The following KCNQ3 variants were observed in gnomAD, a reference collection of about 807,000 sequenced individuals.
KCNQ3 encodes potassium voltage-gated channel subfamily Q member 3, also known as potassium voltage-gated channel subfamily KQT member 3.
In KCNQ3, 30 loss-of-function variants were observed where a neutral mutation model predicts 92.5. The observed-to-expected ratio is 0.32, with a 90% CI of 0.24 to 0.44. The LOEUF is 0.44. Among genes scored for constraint, KCNQ3 ranks in the 20% least tolerant of loss-of-function variants. The pLI is 1.00. For missense variants in KCNQ3, 913 were observed against 1,140.3 expected (o/e 0.80, Z 2.87); for synonymous variants, 450 against 468.8 (o/e 0.96, Z 0.52).
At chr8:132,303,298 T>C (rs1344040177) in intron 1 of KCNQ3, among the ~76,000 whole-genome samples, 1 of 151,968 alleles carries the variant, frequency 6.6e-6, no homozygotes, top group African/African-American at 2.4e-5. Context: ...TCTCCCACAG[T>C]GACTCAGTTC....
At chr8:132,301,117 C>T (rs1313157604) in intron 1 of KCNQ3, among the ~76,000 whole-genome samples, 1 of 152,150 alleles carries the variant, frequency 6.6e-6, no homozygotes, top group Non-Finnish European at 1.5e-5. Context: ...TCTTCCCTTG[C>T]CTTAGGCCTT....
intron 9 of KCNQ3, among the ~76,000 whole-genome samples, chr8:132,159,229 A>AACTT (rs201308155): frequency 6.6e-6 from 1 of 152,198 alleles, no homozygotes; most frequent in East Asian, 1.9e-4. Context: ...GGAATTTGAA[A>AACTT]ACTTACAGGT....
intron 9 of KCNQ3, among the ~76,000 whole-genome samples, chr8:132,148,322 G>A (rs1392148998): frequency 6.6e-6 from 1 of 152,022 alleles, no homozygotes. Flanking sequence ...TGCAACCTCC[G>A]CCTCCTAGGT....
chr8:132,260,945 T>A (rs541854627), intron 1 of KCNQ3, among the ~76,000 whole-genome samples: 1 of 152,316 alleles, frequency 6.6e-6, no homozygotes, highest in South Asian at 2.1e-4. Flanking sequence ...GAGATATAAT[T>A]CATATAAAAT....
intron 9 of KCNQ3, among the ~76,000 whole-genome samples, chr8:132,151,377 A>G (rs1422877734): frequency 6.6e-6 from 1 of 152,250 alleles, no homozygotes; most frequent in Admixed American, 6.5e-5. Flanking sequence ...TAAAAATATA[A>G]ATTCTTGCCT....
intron 1 of KCNQ3, among the ~76,000 whole-genome samples, chr8:132,420,826 G>T (rs948559975): frequency 1.3e-5 from 2 of 152,162 alleles, no homozygotes; most frequent in Non-Finnish European, 2.9e-5. Flanking sequence ...TCTAGATGCT[G>T]GGAAGCACTG....
intron 1 of KCNQ3, among the ~76,000 whole-genome samples, chr8:132,224,743 T>G (rs547285297): frequency 7.6e-6 from 1 of 131,272 alleles, no homozygotes; most frequent in African/African-American, 2.7e-5. Context: ...TCAAATACCT[T>G]GATTTTGATA....
At chr8:132,324,936 G>A (rs1015837574) in intron 1 of KCNQ3, among the ~76,000 whole-genome samples, 5 of 151,308 alleles carry the variant, frequency 3.3e-5, no homozygotes, top group South Asian at 2.1e-4. Context: ...TTAGAGGCTC[G>A]CCAGCCTGAA....
rs77800409 is a variant in KCNQ3, at chr8:132,165,787, C to T, written c.1236-2293G>A. Among the ~76,000 whole-genome samples the T allele has an allele frequency of 1.8e-4, 28 of 152,258 alleles. 1 individual carries two copies. The East Asian group carries it at 2.1e-3, about 12-fold the overall frequency. ...TTTGTTCCATCACTTATCAGCTGAGCGATATTAAGCAAGCTAATTAATCTC... is the reference window on the plus strand; with the variant it reads ...TTTGTTCCATCACTTATCAGCTGAGTGATATTAAGCAAGCTAATTAATCTC... On this transcript the variant is annotated intron_variant, in intron 8 of 14. Coordinates refer to ENST00000388996, the MANE Select transcript of KCNQ3 (RefSeq NM_004519.4).
chr8:132,260,698 C>G (rs535092828), intron 1 of KCNQ3, among the ~76,000 whole-genome samples: 2 of 152,192 alleles, frequency 1.3e-5, no homozygotes, highest in African/African-American at 4.8e-5. Flanking sequence ...ATTAAGTGTT[C>G]TCTGCTTGGA....
Position 132,271,986 on chromosome 8 carries a change from C to G in KCNQ3, c.387-85805G>C, listed in dbSNP as rs569052011. 5.9e-5 allele frequency among the ~76,000 whole-genome samples: 9 copies of G among 152,274 alleles called. No homozygotes were observed. The East Asian group carries it at 1.7e-3, about 29-fold the overall frequency. On this transcript the variant is annotated intron_variant, in intron 1 of 14. Coordinates refer to ENST00000388996, the MANE Select transcript of KCNQ3 (RefSeq NM_004519.4). Reference sequence around the variant, plus strand: ...AAAGAAACTGACCTGACAGAGGGCTCAGTTCCTGGCCTGAATGGAAGCAGA... The same window carrying G: ...AAAGAAACTGACCTGACAGAGGGCTGAGTTCCTGGCCTGAATGGAAGCAGA...
chr8:132,255,018 A>C (rs1385083704), intron 1 of KCNQ3, among the ~76,000 whole-genome samples: 1 of 151,976 alleles, frequency 6.6e-6, no homozygotes, highest in Non-Finnish European at 1.5e-5. Flanking sequence ...GAACAAGCTG[A>C]CTGTTTTTTT....
At chr8:132,180,687 C>A (rs1432370751) in intron 3 of KCNQ3, among the ~76,000 whole-genome samples, 1 of 152,050 alleles carries the variant, frequency 6.6e-6, no homozygotes, top group Non-Finnish European at 1.5e-5. Context: ...AGCTGCTCAG[C>A]CTATGGAGGT....
At chr8:132,287,142 C>A (rs1816700665) in intron 1 of KCNQ3, among the ~76,000 whole-genome samples, 1 of 152,214 alleles carries the variant, frequency 6.6e-6, no homozygotes, top group Non-Finnish European at 1.5e-5. Context: ...TCTTTCTCCT[C>A]TAACTTTGTA....
At position 132,174,222 on chromosome 8, in the gene KCNQ3, A is replaced by C; in HGVS notation, c.1044+17T>G. On this transcript the variant is annotated intron_variant, in intron 6 of 14. Transcript: ENST00000388996. ...CTGCACGTCACATTGGGGATGTCATATATCAAAGGTACTTACCGCTGGAAG... is the reference window on the plus strand; with the variant it reads ...CTGCACGTCACATTGGGGATGTCATCTATCAAAGGTACTTACCGCTGGAAG... 6.5e-7 allele frequency: 1 copy of C among 1,531,002 alleles called. No individual in the cohort carries two copies. The highest frequency in any genetic ancestry group is 8.9e-7 in the Non-Finnish European group (1 of 1,129,238). 94.8% of individuals were successfully genotyped at this position (1,531,002 alleles called of 1,614,324 possible). A position where few individuals can be genotyped will look rare whatever the true frequency, so the allele number is the denominator to read the frequency against.
chr8:132,406,578 G>A (rs115176911), intron 1 of KCNQ3, among the ~76,000 whole-genome samples: 3,222 of 151,282 alleles, frequency 0.021, 122 homozygotes, highest in African/African-American at 0.073. Flanking sequence ...CACACACACA[G>A]AAAGACACAG....
Position 132,126,953 on chromosome 8 carries a change from C to T in KCNQ3, c.*2309G>A, listed in dbSNP as rs956908417. The T allele has an allele frequency of 3.0e-4, 45 of 152,140 alleles. No homozygotes were observed. Among genetic ancestry groups the T allele is most frequent in the Non-Finnish European group, 7.4e-5 (5 of 68,024 alleles). 9.4% of individuals were successfully genotyped at this position (152,140 alleles called of 1,614,324 possible). ...TGGCGCATATGTGGAGAGTATGACT[C>T]ACTCTCCTTTATTGTTGGTTTCCAG... On this transcript the variant is annotated 3_prime_UTR_variant, in exon 15 of 15. Coordinates refer to ENST00000388996, the MANE Select transcript of KCNQ3 (RefSeq NM_004519.4).
chr8:132,304,652 T>TAGGACCATATTGGAC (rs1817359847), intron 1 of KCNQ3, among the ~76,000 whole-genome samples: 1 of 152,176 alleles, frequency 6.6e-6, no homozygotes, highest in Non-Finnish European at 1.5e-5. Flanking sequence ...ATGTCCCAAG[T>TAGGACCATATTGGAC]AGGACCATAT....
intron 1 of KCNQ3, among the ~76,000 whole-genome samples, chr8:132,411,360 G>A (rs17659499): frequency 0.25 from 38,569 of 151,930 alleles, 5,026 homozygotes; most frequent in South Asian, 0.3. Context: ...TTGATTACAG[G>A]GGACACCGAC....
Sources: allele counts gnomAD v4.1 joint callset (sites outside exome capture counted in the v4.1 genomes callset), GRCh38; gene constraint gnomAD v4.1.1; transcripts MANE v1.5; gene names NCBI Gene and HGNC (gene_info 2026-07-23, HGNC 2026-07-21).